IGLL5: variants seen among roughly 807,000 people sequenced by gnomAD.
IGLL5 encodes the protein immunoglobulin lambda like polypeptide 5, also known as immunoglobulin lambda-like polypeptide 5.
Under a neutral mutation model 20.9 loss-of-function variants are expected in IGLL5, and 30 were observed. The ratio of observed to expected loss-of-function variants is 1.44; its 90% CI spans 1.07 to 1.95. The LOEUF is 1.95. Ranked by LOEUF, IGLL5 falls within the 30% of genes most tolerant of loss-of-function variation. The pLI, the probability that IGLL5 is intolerant of heterozygous loss-of-function variation, is 0.00. For missense variants in IGLL5, 475 were observed against 270.7 expected (o/e 1.75, Z -5.30); for synonymous variants, 203 against 117.3 (o/e 1.73, Z -4.72).
At chr22:22,889,526 A>G (rs558795311) in intron 1 of IGLL5, among the ~76,000 whole-genome samples, 1 of 151,318 alleles carries the variant, frequency 6.6e-6, no homozygotes, top group African/African-American at 2.4e-5. Flanking sequence ...GATGGGAGAA[A>G]ACTGGAAAAA....
At chr22:22,890,441 T>G (rs2146007292) in intron 1 of IGLL5, among the ~76,000 whole-genome samples, 1 of 150,736 alleles carries the variant, frequency 6.6e-6, no homozygotes, top group Admixed American at 6.7e-5. Context: ...TCAGTCCATA[T>G]GGATTAACCA....
rs746946476 is a variant in IGLL5, at chr22:22,893,680, G to T, written c.207-20G>T. 3.2e-6 allele frequency: 5 copies of T among 1,545,328 alleles called. No homozygotes were observed. In the South Asian group the frequency reaches 5.7e-5, roughly 18 times the overall value. On this transcript the variant is annotated intron_variant, in intron 1 of 2. Transcript: ENST00000526893. ...TCCCAGCCCCGCCCACTGCAACCCT[G>T]TGCCCGTCATGCCCAGCAGGCTCCT... is the stretch of plus-strand genomic sequence containing the variant.
At chr22:22,894,073 C>CTCCCAGGGCAGATGTTTTTTTT in intron 2 of IGLL5, among the ~76,000 whole-genome samples, 1 of 151,460 alleles carries the variant, frequency 6.6e-6, no homozygotes, top group Non-Finnish European at 1.5e-5. Context: ...CTCCTCCTCT[C>CTCCCAGGGCAGATGTTTTTTTT]TTCCAGGGCA....
rs555378079 is a variant in IGLL5, at chr22:22,895,548, T to C, written c.499T>C (p.Ser167Pro). 1 of 1,612,728 alleles carries C rather than the reference T, an allele frequency of 6.2e-7. No homozygotes were observed. The highest frequency in any genetic ancestry group is 2.2e-5 in the East Asian group (1 of 44,656). ...VKAGVETTKPSKQSNNKYAAS... is the reference protein window; with the variant it reads ...VKAGVETTKPPKQSNNKYAAS... ...GGCGGGAGTGGAGACCACCAAACCC[T>C]CCAAACAGAGCAACAACAAGTACGC... The change falls in exon 3 of 3, where the codon TCC becomes CCC. Residue 167 changes from serine (S) to proline (P), a missense_variant. Coordinates refer to ENST00000526893, the MANE Select transcript of IGLL5 (RefSeq NM_001178126.2).
Position 22,894,544 on chromosome 22 carries a change from T to G in IGLL5, c.325+726T>G, listed in dbSNP as rs189100829. 1.3e-5 allele frequency among the ~76,000 whole-genome samples: 2 copies of G among 151,496 alleles called. 1 individual carries two copies. Among genetic ancestry groups the G allele is most frequent in the Non-Finnish European group, 2.9e-5 (2 of 67,896 alleles). On this transcript the variant is annotated intron_variant, in intron 2 of 2. Transcript: ENST00000526893. ...CCTCTGGGGCCCAGTGTCTCTCTGT[T>G]CACGGATCGGCCTCCTGCCTTCCTC...
At chr22:22,894,791 G>A (rs2066697331) in intron 2 of IGLL5, among the ~76,000 whole-genome samples, 1 of 151,292 alleles carries the variant, frequency 6.6e-6, no homozygotes, top group African/African-American at 2.4e-5. Flanking sequence ...CCTCAGAGGA[G>A]CCCTGAGGCT....
chr22:22,895,244 A>G (rs2066734518), intron 2 of IGLL5, 131 bp from the exon 3 acceptor site: 2 of 809,372 alleles, frequency 2.5e-6, no homozygotes, highest in African/African-American at 1.7e-5. Flanking sequence ...TGGGGAAAGA[A>G]GAGGAGAGAA....
rs547937579 is a variant in IGLL5, at chr22:22,888,352, A to G, written c.206+93A>G. 6.6e-6 allele frequency: 8 copies of G among 1,203,790 alleles called. 1 individual carries two copies. Among genetic ancestry groups the G allele is most frequent in the East Asian group, 5.2e-5 (2 of 38,790 alleles). 74.6% of individuals were successfully genotyped at this position (1,203,790 alleles called of 1,614,324 possible). ...GAGACAAGCCAGAGGAGTGAGGAGG[A>G]AGGTTAACCCCTAAGAGGGGCCTGG... On this transcript the variant is annotated intron_variant, in intron 1 of 2. Transcript: ENST00000526893.
In IGLL5 at chr22:22,888,966, G is replaced by A. The variant is rs572122143; in HGVS notation, c.206+707G>A. Among the ~76,000 whole-genome samples the A allele has an allele frequency of 3.3e-5, 5 of 151,392 alleles. 1 individual carries two copies. The South Asian group carries it at 6.3e-4, about 19-fold the overall frequency. On this transcript the variant is annotated intron_variant, in intron 1 of 2. Transcript: ENST00000526893. ...GACAGAGCAGCGTCAGAGGAGAGGA[G>A]AGCACAGGATGAGGCTGGGAGCTCC...
intron 1 of IGLL5, among the ~76,000 whole-genome samples, chr22:22,888,625 T>C (rs1379699331): frequency 7.3e-5 from 11 of 150,950 alleles, no homozygotes; most frequent in East Asian, 4.1e-4. Flanking sequence ...CCCAGGCCTG[T>C]TCCTCCCCCT....
At chr22:22,888,651 TGTGCCTCCTGCCCAGTGAG>T in intron 1 of IGLL5, among the ~76,000 whole-genome samples, 1 of 151,200 alleles carries the variant, frequency 6.6e-6, no homozygotes, top group South Asian at 2.1e-4. Flanking sequence ...TCTCTGCCCA[TGTGCCTCCTGCCCAGTGAG>T]GGCAGGGGCC....
intron 2 of IGLL5, among the ~76,000 whole-genome samples, chr22:22,894,568 T>G (rs2066668706): frequency 1.3e-5 from 2 of 151,442 alleles, no homozygotes; most frequent in South Asian, 2.1e-4. Context: ...CCTGCCTTCC[T>G]CAAAGGGCAT....
intron 1 of IGLL5, among the ~76,000 whole-genome samples, chr22:22,888,729 G>A (rs569299237): frequency 6.6e-5 from 10 of 151,382 alleles, no homozygotes; most frequent in South Asian, 4.2e-4. Context: ...CCCCAAGGCT[G>A]TCTGTTCACC....
chr22:22,893,961 G>C (rs191010474), intron 2 of IGLL5, 143 bp downstream of exon 2: 9 of 698,800 alleles, frequency 1.3e-5, no homozygotes, highest in Admixed American at 8.5e-5. Context: ...CCTGGAGGAG[G>C]TGCATTAGTC....
intron 1 of IGLL5, among the ~76,000 whole-genome samples, chr22:22,888,638 TC>T: frequency 6.6e-6 from 1 of 151,188 alleles, no homozygotes; most frequent in South Asian, 2.1e-4. Flanking sequence ...CTCCCCCTCC[TC>T]CTCTCTGCCC....
At chr22:22,894,818 A>G (rs566560282) in intron 2 of IGLL5, among the ~76,000 whole-genome samples, 1 of 150,772 alleles carries the variant, frequency 6.6e-6, no homozygotes, top group Non-Finnish European at 1.5e-5. Context: ...GGTGGAGCCC[A>G]CTCCTTGCCA....
At position 22,894,790 on chromosome 22, in the gene IGLL5, A is replaced by C. The variant is rs2066697238; in HGVS notation, c.326-585A>C. 1.3e-5 allele frequency among the ~76,000 whole-genome samples: 2 copies of C among 150,776 alleles called. 1 individual carries two copies. Among genetic ancestry groups the C allele is most frequent in the Admixed American group, 1.3e-4 (2 of 15,086 alleles). ...AGGAAACATCTCAGAGCCTCAGAGG[A>C]GCCCTGAGGCTTGTCTAGGTGGAGC... On this transcript the variant is annotated intron_variant, in intron 2 of 2. Coordinates refer to ENST00000526893, the MANE Select transcript of IGLL5 (RefSeq NM_001178126.2).
Position 22,893,703 on chromosome 22 carries a change from C to T in IGLL5, c.210C>T (p.Leu70=). 4 of 1,603,812 alleles carry T rather than the reference C, an allele frequency of 2.5e-6. No individual in the cohort carries two copies. The highest frequency in any genetic ancestry group is 3.4e-6 in the Non-Finnish European group (4 of 1,174,580). ...RSSLRSLWGR[L]LLQPSPQRAD... ...CTGTGCCCGTCATGCCCAGCAGGCT[C>T]CTGCTCCAGCCCAGCCCCCAGAGAG... Residue 70 remains leucine (L), a synonymous_variant, in exon 2 of 3, where the codon CTC becomes CTT. Coordinates refer to ENST00000526893, the MANE Select transcript of IGLL5 (RefSeq NM_001178126.2).
rs181994828 is a variant in IGLL5 at position 22,889,474 on chromosome 22, C to G, written c.206+1215C>G. The stretch of plus-strand genomic sequence containing the variant: ...GTTGGGGGAATAATCAAAGCTGTAA[C>G]CAAATCTTTATAACAAGGGTGGTTA... On this transcript the variant is annotated intron_variant, in intron 1 of 2. Coordinates refer to ENST00000526893, the MANE Select transcript of IGLL5 (RefSeq NM_001178126.2). 6.0e-5 allele frequency among the ~76,000 whole-genome samples: 9 copies of G among 151,182 alleles called. No individual in the cohort carries two copies. In the East Asian group the frequency reaches 6.1e-4, roughly 10 times the overall value.
Sources: allele counts gnomAD v4.1 joint callset (sites outside exome capture counted in the v4.1 genomes callset), GRCh38; gene constraint gnomAD v4.1.1; transcripts MANE v1.5; gene names NCBI Gene and HGNC (gene_info 2026-07-23, HGNC 2026-07-21).